The following AGBL1 variants were observed in gnomAD, a reference collection of about 807,000 sequenced individuals.
AGBL1 encodes AGBL carboxypeptidase 1, also known as cytosolic carboxypeptidase 4.
In AGBL1, 130 loss-of-function variants were observed where a neutral mutation model predicts 118.9. That is an observed-to-expected ratio of 1.09 (90% confidence interval 0.95 to 1.26). The LOEUF (loss-of-function observed/expected upper bound fraction) is 1.26, where lower values mean the gene tolerates loss of function less well. Among genes scored for constraint, AGBL1 ranks in the 50% most tolerant of loss-of-function variants. The pLI, the probability that AGBL1 is intolerant of heterozygous loss-of-function variation, is 0.00. For synonymous variants in AGBL1, 555 were observed against 478.9 expected, an observed-to-expected ratio of 1.16 and a Z score of -2.08; for missense variants, 1,584 against 1,298.1, an observed-to-expected ratio of 1.22 and a Z score of -3.38.
intron 1 of AGBL1, among the ~76,000 whole-genome samples, chr15:86,089,553 A>G (rs1895886127): frequency 6.6e-6 from 1 of 152,208 alleles, no homozygotes; most frequent in South Asian, 2.1e-4. Context: ...CAGACACAGC[A>G]TCTGAGGAAG....
At chr15:86,130,357 TCTC>T (rs1247794231) in intron 1 of AGBL1, among the ~76,000 whole-genome samples, 5 of 152,082 alleles carry the variant, frequency 3.3e-5, no homozygotes, top group Non-Finnish European at 5.9e-5. Flanking sequence ...AGCATGAAGA[TCTC>T]CTATTGACTC....
intron 1 of AGBL1, among the ~76,000 whole-genome samples, chr15:86,141,798 C>T (rs536929002): frequency 1.2e-4 from 18 of 152,320 alleles, no homozygotes; most frequent in African/African-American, 3.8e-4. Flanking sequence ...CAAGATACGT[C>T]TGCAAAGATG....
chr15:87,010,364 G>T (rs1410665064), intron 24 of AGBL1, among the ~76,000 whole-genome samples: 1 of 152,176 alleles, frequency 6.6e-6, no homozygotes, highest in African/African-American at 2.4e-5. Flanking sequence ...ATGTGGAACT[G>T]TAAATCCGTT....
chr15:86,369,506 GA>G (rs2080940271), intron 17 of AGBL1, among the ~76,000 whole-genome samples: 1 of 152,106 alleles, frequency 6.6e-6, no homozygotes, highest in Non-Finnish European at 1.5e-5. Flanking sequence ...AGTAGAGGGG[GA>G]AAGGAACAAA....
chr15:86,765,737 T>G (rs2078088765), intron 22 of AGBL1, among the ~76,000 whole-genome samples: 1 of 151,978 alleles, frequency 6.6e-6, no homozygotes, highest in African/African-American at 2.4e-5. Context: ...GTCATGGCAG[T>G]GTAGATGTTA....
At chr15:86,676,754 A>G (rs138556446) in intron 22 of AGBL1, among the ~76,000 whole-genome samples, 2 of 152,238 alleles carry the variant, frequency 1.3e-5, no homozygotes, top group East Asian at 3.9e-4. Context: ...GCGTGGAAGG[A>G]ATTGTGAATA....
intron 5 of AGBL1, among the ~76,000 whole-genome samples, chr15:86,204,651 G>A (rs2077962026): frequency 6.6e-6 from 1 of 152,054 alleles, no homozygotes; most frequent in African/African-American, 2.4e-5. Flanking sequence ...GTGCAGTGGT[G>A]CAATCTTGGC....
At chr15:86,368,683 C>T (rs1471865338) in intron 17 of AGBL1, among the ~76,000 whole-genome samples, 1 of 152,080 alleles carries the variant, frequency 6.6e-6, no homozygotes, top group Non-Finnish European at 1.5e-5. Context: ...TCTGTAAGCA[C>T]AGTTAGTAGA....
chr15:86,775,804 A>C (rs911653352), intron 22 of AGBL1, among the ~76,000 whole-genome samples: 6 of 152,152 alleles, frequency 3.9e-5, no homozygotes, highest in African/African-American at 1.4e-4. Context: ...AAACATTTAG[A>C]AAATATTATG....
chr15:86,766,260 C>T lies in AGBL1; in HGVS notation c.3158+91824C>T, dbSNP rs768990332. Among the ~76,000 whole-genome samples, 7 of 151,786 alleles carry T rather than the reference C, an allele frequency of 4.6e-5. No homozygotes were observed. The South Asian group carries it at 6.2e-4, about 13-fold the overall frequency. ...TCATACTCTGTCTCCCAGGGTGTAC[C>T]GCCTCCTAGATCAAGACCATTTTAT... On this transcript the variant is annotated intron_variant, in intron 22 of 22. Coordinates refer to ENST00000614907, the MANE Select transcript of AGBL1 (RefSeq NM_001386094.1).
chr15:86,262,312 T>A (rs967674042), intron 9 of AGBL1, among the ~76,000 whole-genome samples: 1 of 152,098 alleles, frequency 6.6e-6, no homozygotes, highest in Non-Finnish European at 1.5e-5. Flanking sequence ...AGCATGGATG[T>A]TTGTCTGTTC....
At chr15:86,572,300 CGA>C (rs1048498061) in intron 21 of AGBL1, among the ~76,000 whole-genome samples, 4 of 152,174 alleles carry the variant, frequency 2.6e-5, no homozygotes, top group African/African-American at 7.2e-5. Context: ...TCAGAAGGGG[CGA>C]GGCTCTCACT....
At chr15:86,867,140 A>T (rs558106482) in intron 22 of AGBL1, among the ~76,000 whole-genome samples, 10 of 152,046 alleles carry the variant, frequency 6.6e-5, no homozygotes, top group African/African-American at 2.4e-4. Flanking sequence ...TGCTGTCAGG[A>T]CTTAAGCTTT....
intron 19 of AGBL1, among the ~76,000 whole-genome samples, chr15:86,526,481 T>C (rs1006292645): frequency 3.3e-5 from 5 of 149,416 alleles, no homozygotes; most frequent in African/African-American, 7.4e-5. Flanking sequence ...TCCCCATCAA[T>C]TGATGAGTGG....
At chr15:86,748,867 A>C (rs183355553) in intron 22 of AGBL1, among the ~76,000 whole-genome samples, 1 of 151,868 alleles carries the variant, frequency 6.6e-6, no homozygotes, top group Non-Finnish European at 1.5e-5. Context: ...CCATTGGTCT[A>C]TATCTCTGTT....
At chr15:86,082,629 G>A (rs1012786993) in intron 1 of AGBL1, among the ~76,000 whole-genome samples, 1 of 152,200 alleles carries the variant, frequency 6.6e-6, no homozygotes, top group Non-Finnish European at 1.5e-5. Flanking sequence ...AATAAACCGG[G>A]CCACTAAGAA....
chr15:86,117,520 C>A (rs552899240), intron 1 of AGBL1, among the ~76,000 whole-genome samples: 52 of 152,214 alleles, frequency 3.4e-4, no homozygotes, highest in African/African-American at 1.3e-3. Flanking sequence ...TCATTTAATT[C>A]TCACTAAAGA....
intron 22 of AGBL1, among the ~76,000 whole-genome samples, chr15:86,853,055 AT>A (rs139675997): frequency 0.12 from 18,939 of 152,186 alleles, 1,458 homozygotes; most frequent in Non-Finnish European, 0.16. Context: ...TCCAAAAAAA[AT>A]CTCAAAGCCC....
intron 22 of AGBL1, among the ~76,000 whole-genome samples, chr15:86,678,188 C>G (rs758993108): frequency 5.3e-5 from 8 of 152,218 alleles, no homozygotes; most frequent in Admixed American, 3.9e-4. Flanking sequence ...TTGTCATTAA[C>G]TATATTCACC....
Sources: gnomAD v4.1 joint callset for allele counts (sites outside exome capture counted in the v4.1 genomes callset) on GRCh38, gnomAD v4.1.1 for gene constraint, MANE v1.5 for transcripts, NCBI Gene and HGNC (gene_info 2026-07-23, HGNC 2026-07-21) for gene names.